The following DNAH6 variants were observed in gnomAD, a reference collection of about 807,000 sequenced individuals.
DNAH6 encodes axonemal beta dynein heavy chain 6.
A neutral mutation model predicts 491.4 loss-of-function variants in DNAH6; 340 were observed. The ratio of observed to expected loss-of-function variants is 0.69; its 90% CI spans 0.63 to 0.76. DNAH6 has a LOEUF of 0.76. Among genes scored for constraint, DNAH6 ranks in the 30% least tolerant of loss-of-function variants. DNAH6 has a pLI of 0.00. For synonymous variants in DNAH6, 1,603 were observed against 1,686.1 expected (o/e 0.95, Z 1.21); for missense variants, 4,443 against 4,972.2 (o/e 0.89, Z 3.20).
At chr2:84,615,126 A>C (rs1369227125) in intron 22 of DNAH6, among the ~76,000 whole-genome samples, 3 of 152,008 alleles carry the variant, frequency 2.0e-5, no homozygotes, top group African/African-American at 7.2e-5. Flanking sequence ...GCCAATGTCA[A>C]GAGGTGTTTT....
At chr2:84,722,873 T>G in intron 60 of DNAH6, 69 bp downstream of exon 60, 1 of 964,790 alleles carries the variant, frequency 1.0e-6, no homozygotes, top group South Asian at 2.0e-5. Flanking sequence ...AATTACTTCT[T>G]GCTTCACATA....
chr2:84,494,360 A>T, the DNAH6 span, among the ~76,000 whole-genome samples: 1 of 152,220 alleles, frequency 6.6e-6, no homozygotes, highest in Non-Finnish European at 1.5e-5. Context: ...ATTTTCAGGA[A>T]GCAAAAAGGA....
chr2:84,771,014 C>T (rs1001356789), intron 64 of DNAH6, among the ~76,000 whole-genome samples: 3 of 148,652 alleles, frequency 2.0e-5, no homozygotes, highest in Non-Finnish European at 1.5e-5. Context: ...GGGGGCCCAG[C>T]GTGGTGGCTC....
At chr2:84,770,531 A>G (rs1185987503) in intron 64 of DNAH6, among the ~76,000 whole-genome samples, 1 of 152,236 alleles carries the variant, frequency 6.6e-6, no homozygotes, top group Non-Finnish European at 1.5e-5. Flanking sequence ...TATTAAAAGG[A>G]AACAAGTAGA....
At chr2:84,556,865 T>G (rs1680082471) in intron 10 of DNAH6, among the ~76,000 whole-genome samples, 3 of 152,228 alleles carry the variant, frequency 2.0e-5, no homozygotes, top group Non-Finnish European at 4.4e-5. Flanking sequence ...CTCATGTCAT[T>G]AAATGATTTT....
At chr2:84,686,192 A>C (rs1694241710) in intron 43 of DNAH6, among the ~76,000 whole-genome samples, 1 of 152,152 alleles carries the variant, frequency 6.6e-6, no homozygotes, top group Non-Finnish European at 1.5e-5. Flanking sequence ...CGTCTCAAAA[A>C]AAAAAAAAAG....
chr2:84,715,701 A>G, intron 58 of DNAH6, 74 bp downstream of exon 58: 2 of 1,403,464 alleles, frequency 1.4e-6, no homozygotes, highest in East Asian at 2.5e-5. Context: ...AGAAATATTG[A>G]CAAAGACAAT....
At chr2:84,530,710 T>C (rs1214807357) in intron 4 of DNAH6, among the ~76,000 whole-genome samples, 1 of 152,066 alleles carries the variant, frequency 6.6e-6, no homozygotes, top group Non-Finnish European at 1.5e-5. Context: ...CTGGGGATGA[T>C]GATGAAGTGG....
chr2:84,753,755 T>TAAAAAAAAAAAAAAAAA (rs1162541312), intron 63 of DNAH6, among the ~76,000 whole-genome samples: 8 of 77,124 alleles, frequency 1.0e-4, no homozygotes, highest in Non-Finnish European at 1.6e-4. Context: ...GAAACTCTGT[T>TAAAAAAAAAAAAAAAAA]AAAAAAAAAA....
intron 20 of DNAH6, 121 bp downstream of exon 20, chr2:84,605,713 A>G: frequency 3.3e-6 from 2 of 603,514 alleles, no homozygotes; most frequent in Non-Finnish European, 5.6e-6. Context: ...AGAAAAATCT[A>G]ATTGGGAAAG....
intron 43 of DNAH6, among the ~76,000 whole-genome samples, 162 bp downstream of exon 43, chr2:84,685,634 T>G (rs1367853927): frequency 1.3e-5 from 2 of 152,020 alleles, no homozygotes; most frequent in African/African-American, 4.8e-5. Context: ...ATATGCAATA[T>G]TATAAAATAA....
intron 33 of DNAH6, 129 bp downstream of exon 33, chr2:84,642,183 C>A (rs987429486): frequency 1.5e-6 from 1 of 676,646 alleles, no homozygotes; most frequent in Non-Finnish European, 2.5e-6. Flanking sequence ...ACTTATTTTG[C>A]AGTTTAAGAA....
intron 57 of DNAH6, 122 bp from the exon 58 acceptor site, chr2:84,715,436 GGT>G: frequency 3.8e-6 from 3 of 790,496 alleles, no homozygotes; most frequent in Non-Finnish European, 6.2e-6. Flanking sequence ...TGTGGGGGTA[GGT>G]GTGTGTGCAA....
intron 26 of DNAH6, 21 bp from the exon 27 acceptor site, chr2:84,624,244 G>T: frequency 6.5e-7 from 1 of 1,526,864 alleles, no homozygotes; most frequent in South Asian, 1.3e-5. Flanking sequence ...AATTCACCAT[G>T]ACAATTTTTT....
chr2:84,634,698 C>T (rs1688714080), intron 30 of DNAH6, 57 bp downstream of exon 30: 2 of 1,427,700 alleles, frequency 1.4e-6, no homozygotes, highest in East Asian at 2.7e-5. Context: ...GTCATTAACT[C>T]ACAGAATGTT....
chr2:84,529,194 A>G (rs1451012794), intron 4 of DNAH6, 28 bp downstream of exon 4: 1 of 1,457,168 alleles, frequency 6.9e-7, no homozygotes, highest in East Asian at 2.5e-5. Context: ...ATGCAATTTA[A>G]CATAAAAATT....
rs1696137052 is a variant in DNAH6 at position 84,703,580 on chromosome 2, A to T, written c.8229+18A>T. The T allele has an allele frequency of 6.5e-7, 1 of 1,530,918 alleles. No homozygotes were observed. Among genetic ancestry groups the T allele is most frequent in the African/African-American group, 1.4e-5 (1 of 72,134 alleles). 94.8% of individuals were successfully genotyped at this position (1,530,918 alleles called of 1,614,324 possible). On this transcript the variant is annotated intron_variant, in intron 50 of 76. Transcript: ENST00000389394. Reference sequence around the variant, plus strand: ...CCGATCAGGTATGCTGCAGTTCCTGAGAATGTGGAAAAGGCTTCTGTCAGC... The same window carrying T: ...CCGATCAGGTATGCTGCAGTTCCTGTGAATGTGGAAAAGGCTTCTGTCAGC...
intron 4 of DNAH6, among the ~76,000 whole-genome samples, chr2:84,541,466 A>G (rs1678232823): frequency 6.6e-6 from 1 of 152,220 alleles, no homozygotes; most frequent in South Asian, 2.1e-4. Context: ...CTAAGAAGGA[A>G]TGGATAAGGT....
At chr2:84,606,024 G>A (rs928656987) in intron 20 of DNAH6, among the ~76,000 whole-genome samples, 7 of 152,296 alleles carry the variant, frequency 4.6e-5, no homozygotes, top group South Asian at 2.1e-4. Context: ...TATAGCACAC[G>A]AAAAGGCTAA....
Sources: gnomAD v4.1 joint callset for allele counts (sites outside exome capture counted in the v4.1 genomes callset) on GRCh38, gnomAD v4.1.1 for gene constraint, MANE v1.5 for transcripts, NCBI Gene and HGNC (gene_info 2026-07-23, HGNC 2026-07-21) for gene names.